Variants in KCTD1 observed in about 807,000 individuals in gnomAD.
KCTD1 encodes BTB/POZ domain-containing protein KCTD1.
KCTD1 carries 24 observed loss-of-function variants against 66.0 expected under a neutral mutation model. The ratio of observed to expected loss-of-function variants is 0.36; its 90% confidence interval spans 0.26 to 0.51. The LOEUF (loss-of-function observed/expected upper bound fraction) is 0.51. KCTD1 is among the 20% of genes least tolerant of loss of function. KCTD1 has a pLI of 0.95. For missense variants in KCTD1, 943 were observed against 1,205.2 expected, an observed-to-expected ratio of 0.78 and a Z score of 3.22; for synonymous variants, 511 against 517.2, an observed-to-expected ratio of 0.99 and a Z score of 0.16.
intron 1 of KCTD1, among the ~76,000 whole-genome samples, chr18:26,578,713 C>A (rs1360795938): frequency 1.3e-5 from 2 of 152,164 alleles, no homozygotes; most frequent in Non-Finnish European, 2.9e-5. Context: ...GAGAAACTCC[C>A]TTTTAATCAT....
At position 26,548,485 on chromosome 18, in the gene KCTD1, C is replaced by G. The variant is rs1279115570; in HGVS notation, c.52G>C (p.Ala18Pro). ...TCGGCGGCGGCGGCGGCAGCGCTGG[C>G]GCTGCCGCCCGCGCTGGTGTTACAG... is the stretch of plus-strand genomic sequence containing the variant. ...GDCNTSAGGS[A>P]SAAAAAAENN... The change falls in exon 1 of 5, where the codon GCC becomes CCC. Residue 18 changes from alanine to proline, a missense_variant. Ala to Pro is a conservative substitution (Grantham distance 27, BLOSUM62 -1). This residue lies in a region of KCTD1 where 236 missense variants were observed against 206.6 expected (regional missense o/e 1.14). Coordinates refer to ENST00000580059, the MANE Select transcript of KCTD1 (RefSeq NM_001142730.3). 1 of 1,237,882 alleles carries G rather than the reference C, an allele frequency of 8.1e-7. No individual in the cohort carries two copies. Among genetic ancestry groups the G allele is most frequent in the East Asian group, 3.3e-5 (1 of 30,442 alleles). 76.7% of individuals were successfully genotyped at this position (1,237,882 alleles called of 1,614,324 possible). A position where few individuals can be genotyped will look rare whatever the true frequency, so the allele number is the denominator to read the frequency against.
chr18:26,512,380 G>A (rs1403338769), intron 1 of KCTD1, among the ~76,000 whole-genome samples: 4 of 151,740 alleles, frequency 2.6e-5, no homozygotes, highest in Non-Finnish European at 5.9e-5. Flanking sequence ...TAAGATTACA[G>A]GTGTGAGCCA....
chr18:26,641,812 G>A (rs1987839505), upstream of KCTD1, among the ~76,000 whole-genome samples: 1 of 152,150 alleles, frequency 6.6e-6, no homozygotes, highest in African/African-American at 2.4e-5. Context: ...CTCGAGATGA[G>A]CTTCACCATT....
At chr18:26,562,683 C>T (rs58806199) in intron 1 of KCTD1, among the ~76,000 whole-genome samples, 49,835 of 152,060 alleles carry the variant, frequency 0.33, 9,241 homozygotes, top group East Asian at 0.58. Flanking sequence ...GTGGCTTAAA[C>T]AACAGAAATT....
At chr18:26,548,978 C>T, upstream of KCTD1, 3 of 985,338 alleles carry the variant, frequency 3.0e-6, no homozygotes, top group Non-Finnish European at 3.6e-6. Context: ...AAGTAATGCC[C>T]GAGGAGCAGT....
chr18:26,604,249 A>T (rs188065037), intron 1 of KCTD1, among the ~76,000 whole-genome samples: 40 of 152,350 alleles, frequency 2.6e-4, no homozygotes, highest in African/African-American at 9.4e-4. Context: ...ATTATTAAAA[A>T]GTCAAAAAAA....
At chr18:26,474,722 G>A (rs1009809391) in intron 3 of KCTD1, among the ~76,000 whole-genome samples, 1 of 151,900 alleles carries the variant, frequency 6.6e-6, no homozygotes, top group Admixed American at 6.6e-5. Flanking sequence ...TGTTTCTTAT[G>A]GTCTGACACT....
chr18:26,512,647 A>G (rs1001978574), intron 1 of KCTD1, among the ~76,000 whole-genome samples: 2 of 152,148 alleles, frequency 1.3e-5, no homozygotes, highest in Admixed American at 1.3e-4. Context: ...AATTAGTCAT[A>G]TGCACAGGGA....
chr18:26,644,739 A>G (rs1987899671), upstream of KCTD1, among the ~76,000 whole-genome samples: 1 of 151,484 alleles, frequency 6.6e-6, no homozygotes, highest in African/African-American at 2.4e-5. Context: ...GCCTGGCAAC[A>G]GAGTGAGACT....
chr18:26,547,050 G>C lies in KCTD1; in HGVS notation c.1487C>G (p.Pro496Arg). 1 of 1,494,666 alleles carries C rather than the reference G, an allele frequency of 6.7e-7. No homozygotes were observed. 92.6% of individuals were successfully genotyped at this position (1,494,666 alleles called of 1,614,324 possible). A position where few individuals can be genotyped will look rare whatever the true frequency, so the allele number is the denominator to read the frequency against. ...GAARHHSHHP[P>R]THPSHHHRPQ... is the part of the protein sequence containing the mutation. The stretch of plus-strand genomic sequence containing the variant: ...GCGGTGGTGGTGGGAGGGATGGGTG[G>C]GGGGGTGGTGGGAGTGGTGCCGTGC... The change falls in exon 1 of 5, where the codon CCC becomes CGC. Residue 496 changes from proline to arginine, a missense_variant. Pro to Arg is a moderately radical substitution (Grantham distance 103, BLOSUM62 -2). Coordinates refer to ENST00000580059, the MANE Select transcript of KCTD1 (RefSeq NM_001142730.3).
chr18:26,503,275 G>C (rs1487920532), intron 1 of KCTD1, among the ~76,000 whole-genome samples: 1 of 152,038 alleles, frequency 6.6e-6, no homozygotes, highest in African/African-American at 2.4e-5. Context: ...AACACACAAA[G>C]AAGAGGAGTT....
At chr18:26,495,338 CA>C (rs1982413797) in intron 2 of KCTD1, among the ~76,000 whole-genome samples, 1 of 152,132 alleles carries the variant, frequency 6.6e-6, no homozygotes, top group Non-Finnish European at 1.5e-5. Flanking sequence ...ATGTATGCAC[CA>C]ATCCCTTAGT....
At chr18:26,570,191 A>AAAAATATATAT (rs776923644) in intron 1 of KCTD1, among the ~76,000 whole-genome samples, 2,172 of 132,326 alleles carry the variant, frequency 0.016, 30 homozygotes, top group Admixed American at 0.037. Flanking sequence ...ATCTAAAAAA[A>AAAAATATATAT]ATATATATAT....
At chr18:26,485,636 T>TG (rs1333557155) in intron 2 of KCTD1, among the ~76,000 whole-genome samples, 18 of 152,120 alleles carry the variant, frequency 1.2e-4, no homozygotes, top group African/African-American at 4.3e-4. Flanking sequence ...CCCAATTTAG[T>TG]ATTTTTTTCA....
At chr18:26,459,371 G>T in intron 4 of KCTD1, 1 of 444,560 alleles carries the variant, frequency 2.2e-6, no homozygotes. Flanking sequence ...CTATAGGCGT[G>T]TGCCACCGTG....
intron 2 of KCTD1, among the ~76,000 whole-genome samples, chr18:26,484,581 A>G (rs1981820016): frequency 6.6e-6 from 1 of 152,212 alleles, no homozygotes; most frequent in Non-Finnish European, 1.5e-5. Context: ...AGAGGGTTAC[A>G]TTGACTGTTT....
intron 1 of KCTD1, among the ~76,000 whole-genome samples, chr18:26,615,162 G>A (rs1987222777): frequency 6.6e-6 from 1 of 152,124 alleles, no homozygotes; most frequent in Non-Finnish European, 1.5e-5. Context: ...ACAAAGCTTT[G>A]TAAATAACTG....
At chr18:26,657,127 C>T (rs1298954348) in intron 1 of KCTD1, among the ~76,000 whole-genome samples, 1 of 151,694 alleles carries the variant, frequency 6.6e-6, no homozygotes, top group Non-Finnish European at 1.5e-5. Context: ...CGCCAGCTCC[C>T]ACTGGAGGAA....
rs1471365782 is a variant in KCTD1, at chr18:26,600,092, C to T, written c.-16+29055G>A. 3.1e-6 allele frequency: 5 copies of T among 1,610,856 alleles called. No individual in the cohort carries two copies. The South Asian group carries it at 4.4e-5, about 14-fold the overall frequency. On this transcript the variant is annotated intron_variant, in intron 1 of 4. Coordinates refer to the KCTD1 transcript ENST00000317932. Reference sequence around the variant, plus strand: ...GAAGATTTGAAGAAGCCAGATCCGGCTTCCCTGCAGGCTGCTTCTTGTGGG... The same window carrying T: ...GAAGATTTGAAGAAGCCAGATCCGGTTTCCCTGCAGGCTGCTTCTTGTGGG...
Sources: allele counts gnomAD v4.1 joint callset (sites outside exome capture counted in the v4.1 genomes callset), GRCh38; gene constraint gnomAD v4.1.1; regional missense constraint gnomAD v4.1.1; transcripts MANE v1.5; gene names NCBI Gene and HGNC (gene_info 2026-07-23, HGNC 2026-07-21).